Variants in ARHGAP29 observed in about 807,000 individuals in gnomAD.
The protein encoded by ARHGAP29 is rho GTPase-activating protein 29.
ARHGAP29 carries 43 observed loss-of-function variants against 122.6 expected under a neutral mutation model. The ratio of observed to expected loss-of-function variants is 0.35; its 90% confidence interval spans 0.27 to 0.45. The LOEUF (loss-of-function observed/expected upper bound fraction) is 0.45. Among genes scored for constraint, ARHGAP29 ranks in the 20% least tolerant of loss-of-function variants. The pLI, the probability that ARHGAP29 is intolerant of heterozygous loss-of-function variation, is 1.00. For synonymous variants in ARHGAP29, 506 were observed against 497.1 expected (o/e 1.02, Z -0.24); for missense variants, 1,303 against 1,477.2 (o/e 0.88, Z 1.93).
At chr1:94,214,393 G>A (rs1651833508) in intron 3 of ARHGAP29, among the ~76,000 whole-genome samples, 1 of 152,080 alleles carries the variant, frequency 6.6e-6, no homozygotes, top group Non-Finnish European at 1.5e-5. Context: ...ATACCTTTGA[G>A]GGAACAAATT....
At position 94,260,650 on chromosome 1, in the gene ARHGAP29, T is replaced by C. The variant is rs564998077; in HGVS notation, c.-33+14362A>G. On this transcript the variant is annotated intron_variant and NMD_transcript_variant, in intron 1 of 25. Transcript: ENST00000552844. ...GGTATGGGGGACTTGCTGTTGGTAG[T>C]AGGTAGAGAGATTGGAAAGACACAC... is the stretch of plus-strand genomic sequence containing the variant. 6.9e-4 allele frequency among the ~76,000 whole-genome samples: 105 copies of C among 152,130 alleles called. 2 individuals are homozygous for C. Among genetic ancestry groups the C allele is most frequent in the Non-Finnish European group, 1.1e-3 (75 of 67,992 alleles).
intron 5 of ARHGAP29, among the ~76,000 whole-genome samples, 172 bp from the exon 6 acceptor site, chr1:94,205,855 T>C (rs182186688): frequency 1.2e-4 from 19 of 152,294 alleles, no homozygotes; most frequent in Admixed American, 1.0e-3. Context: ...TTCATAAGAA[T>C]TTCATAGCTT....
intron 19 of ARHGAP29, among the ~76,000 whole-genome samples, chr1:94,181,130 T>G (rs1052167679): frequency 2.0e-5 from 3 of 152,148 alleles, no homozygotes; most frequent in African/African-American, 7.2e-5. Context: ...GCTGAAGAGT[T>G]GAAGAGCAAA....
At chr1:94,262,593 AC>A (rs1240647412) in intron 1 of ARHGAP29, among the ~76,000 whole-genome samples, 1 of 152,208 alleles carries the variant, frequency 6.6e-6, no homozygotes, top group African/African-American at 2.4e-5. Context: ...TGGGCAAAGA[AC>A]ATGAGCAGAC....
At chr1:94,205,288 T>C (rs527818768) in intron 6 of ARHGAP29, 90 bp from the exon 7 acceptor site, 1 of 1,083,432 alleles carries the variant, frequency 9.2e-7, no homozygotes, top group East Asian at 2.9e-5. Context: ...AAGATACTAG[T>C]CAATAAAAAC....
chr1:94,296,417 ATTG>A, the ARHGAP29 span, among the ~76,000 whole-genome samples: 1 of 152,178 alleles, frequency 6.6e-6, no homozygotes, highest in African/African-American at 2.4e-5. Context: ...ATTATTAGTT[ATTG>A]TTGTTAAACT....
chr1:94,179,277 A>T (rs756526311), intron 20 of ARHGAP29, among the ~76,000 whole-genome samples: 5 of 152,182 alleles, frequency 3.3e-5, no homozygotes, highest in Non-Finnish European at 1.5e-5. Flanking sequence ...CACTGCAACA[A>T]TATGAACACA....
At chr1:94,186,627 G>C in intron 15 of ARHGAP29, 30 bp from the exon 16 acceptor site, 1 of 1,447,226 alleles carries the variant, frequency 6.9e-7, no homozygotes, top group Middle Eastern at 1.8e-4. Context: ...ACAATTACCT[G>C]ACCATTCATT....
At chr1:94,183,811 G>A (rs1358770582) in intron 19 of ARHGAP29, among the ~76,000 whole-genome samples, 3 of 152,104 alleles carry the variant, frequency 2.0e-5, no homozygotes, top group Non-Finnish European at 4.4e-5. Context: ...TAAATAGCAA[G>A]TATTAAAACT....
the ARHGAP29 span, among the ~76,000 whole-genome samples, chr1:94,291,057 C>T: frequency 1.1e-4 from 17 of 152,138 alleles, no homozygotes; most frequent in African/African-American, 1.7e-4. Flanking sequence ...AAGTCTAATT[C>T]TCTTTGTAGG....
intron 3 of ARHGAP29, among the ~76,000 whole-genome samples, chr1:94,212,179 A>C (rs1170507193): frequency 6.6e-6 from 1 of 152,152 alleles, no homozygotes; most frequent in Non-Finnish European, 1.5e-5. Flanking sequence ...CCTACTCAGG[A>C]GGCTGAGGCA....
chr1:94,179,938 A>G lies in ARHGAP29; in HGVS notation c.2267T>C (p.Leu756Ser), dbSNP rs1649351596. Reference sequence around the variant, plus strand: ...TATAAATTCCTTGTACAATCGAAATAAAATAAATGGTTCTGGGAGCTAAAG... The same window carrying G: ...TATAAATTCCTTGTACAATCGAAATGAAATAAATGGTTCTGGGAGCTAAAG... ...YLRQLPEPFILFRLYKEFIDL... is the reference protein window; with the variant it reads ...YLRQLPEPFISFRLYKEFIDL... Residue 756 changes from leucine (L) to serine (S), a missense_variant, in exon 20 of 23, where the codon TTA becomes TCA. Physicochemically the swap from Leu to Ser is moderately radical, Grantham distance 145. Coordinates refer to ENST00000260526, the MANE Select transcript of ARHGAP29 (RefSeq NM_004815.4). The G allele has an allele frequency of 5.0e-6, 8 of 1,604,324 alleles. No homozygotes were observed. In the African/African-American group the frequency reaches 5.4e-5, roughly 11 times the overall value.
chr1:94,241,584 T>A (rs1653572998), upstream of ARHGAP29, among the ~76,000 whole-genome samples: 1 of 150,072 alleles, frequency 6.7e-6, no homozygotes, highest in South Asian at 2.1e-4. Context: ...ACCACTGCAC[T>A]CCAGCTTGGG....
chr1:94,233,317 C>T (rs1197973729), intron 1 of ARHGAP29, among the ~76,000 whole-genome samples: 1 of 152,020 alleles, frequency 6.6e-6, no homozygotes, highest in Non-Finnish European at 1.5e-5. Context: ...GTATCATTTA[C>T]TCCTTCCTAT....
chr1:94,183,921 G>A (rs1020471972), intron 19 of ARHGAP29, among the ~76,000 whole-genome samples: 15 of 151,930 alleles, frequency 9.9e-5, no homozygotes, highest in Non-Finnish European at 7.4e-5. Flanking sequence ...TATAAGGTAC[G>A]GTAATATTCT....
intron 20 of ARHGAP29, among the ~76,000 whole-genome samples, 169 bp from the exon 21 acceptor site, chr1:94,178,336 C>T (rs1368973123): frequency 1.3e-5 from 2 of 152,012 alleles, no homozygotes; most frequent in African/African-American, 2.4e-5. Flanking sequence ...TGACCACATG[C>T]CAAATAGAGT....
intron 19 of ARHGAP29, among the ~76,000 whole-genome samples, chr1:94,183,898 C>G (rs1649630408): frequency 6.6e-6 from 1 of 152,072 alleles, no homozygotes; most frequent in South Asian, 2.1e-4. Context: ...GGAAGAGGAA[C>G]ATGGGGGTTT....
intron 13 of ARHGAP29, among the ~76,000 whole-genome samples, 168 bp downstream of exon 13, chr1:94,189,758 C>T (rs1306883488): frequency 2.6e-5 from 4 of 152,116 alleles, no homozygotes; most frequent in African/African-American, 9.7e-5. Context: ...TAATGAATTA[C>T]ATCTATTCTT....
chr1:94,228,615 T>A (rs763618115), intron 2 of ARHGAP29, among the ~76,000 whole-genome samples: 8 of 151,800 alleles, frequency 5.3e-5, no homozygotes, highest in Non-Finnish European at 1.2e-4. Context: ...TACATACATC[T>A]CATCTGTGAA....
Sources: gnomAD v4.1 joint callset for allele counts (sites outside exome capture counted in the v4.1 genomes callset) on GRCh38, gnomAD v4.1.1 for gene constraint, MANE v1.5 for transcripts, NCBI Gene and HGNC (gene_info 2026-07-23, HGNC 2026-07-21) for gene names.